The following FNIP2 variants were observed in gnomAD, a reference collection of about 807,000 sequenced individuals.
FNIP2 encodes folliculin interacting protein 2, also known as folliculin-interacting protein 2.
FNIP2 carries 32 observed loss-of-function variants against 108.7 expected under a neutral mutation model. The observed-to-expected ratio is 0.29, with a 90% CI of 0.22 to 0.40. The LOEUF (loss-of-function observed/expected upper bound fraction) is 0.40. FNIP2 is among the 10% of genes least tolerant of loss of function. FNIP2 has a pLI of 1.00. For missense variants in FNIP2, 1,202 were observed against 1,381.6 expected, an observed-to-expected ratio of 0.87 and a Z score of 2.06; for synonymous variants, 480 against 496.7, an observed-to-expected ratio of 0.97 and a Z score of 0.45.
chr4:158,899,437 C>T (rs1386594072), intron 16 of FNIP2, among the ~76,000 whole-genome samples: 1 of 152,188 alleles, frequency 6.6e-6, no homozygotes, highest in Non-Finnish European at 1.5e-5. Context: ...GGTACCAGCT[C>T]CTGTACACTC....
intron 1 of FNIP2, among the ~76,000 whole-genome samples, chr4:158,824,362 A>G (rs1778040633): frequency 6.6e-6 from 1 of 152,150 alleles, no homozygotes; most frequent in Non-Finnish European, 1.5e-5. Context: ...CTAGTTTTAC[A>G]GTTTGCTTTT....
intron 8 of FNIP2, among the ~76,000 whole-genome samples, chr4:158,852,091 G>A (rs894164111): frequency 2.0e-5 from 3 of 152,164 alleles, no homozygotes; most frequent in Non-Finnish European, 4.4e-5. Context: ...AAATTGACTA[G>A]TACTCAACAT....
intron 7 of FNIP2, among the ~76,000 whole-genome samples, chr4:158,850,790 C>T (rs556792242): frequency 5.4e-4 from 82 of 151,300 alleles, no homozygotes; most frequent in African/African-American, 1.9e-3. Context: ...TTATGTATGG[C>T]ATTAGTTACC....
At chr4:158,864,847 A>G (rs1322127499) in intron 12 of FNIP2, among the ~76,000 whole-genome samples, 1 of 151,078 alleles carries the variant, frequency 6.6e-6, no homozygotes, top group Non-Finnish European at 1.5e-5. Flanking sequence ...CCAGTTCTCT[A>G]TCATTTTGCA....
At chr4:158,869,676 A>G (rs1780818702) in intron 13 of FNIP2, among the ~76,000 whole-genome samples, 1 of 152,190 alleles carries the variant, frequency 6.6e-6, no homozygotes, top group Non-Finnish European at 1.5e-5. Context: ...CTTTGCAGCT[A>G]TCGTGATCCT....
chr4:158,898,900 A>G (rs1282276624), intron 16 of FNIP2, among the ~76,000 whole-genome samples: 4 of 152,220 alleles, frequency 2.6e-5, no homozygotes, highest in African/African-American at 7.2e-5. Flanking sequence ...GTGGTGAGAG[A>G]GAGCATCCTT....
chr4:158,804,019 A>G (rs1032037521), intron 1 of FNIP2, among the ~76,000 whole-genome samples: 5 of 151,946 alleles, frequency 3.3e-5, no homozygotes, highest in African/African-American at 1.2e-4. Flanking sequence ...GCTCACTGCA[A>G]CCTCTGCCTC....
chr4:158,784,109 G>C (rs1776139389), intron 1 of FNIP2, among the ~76,000 whole-genome samples: 1 of 152,226 alleles, frequency 6.6e-6, no homozygotes, highest in Middle Eastern at 3.2e-3. Context: ...TGTACATGTT[G>C]AATTTAAGGT....
chr4:158,874,503 A>AAAAAAAAAAAT (rs1781144503), intron 14 of FNIP2, among the ~76,000 whole-genome samples: 1 of 150,786 alleles, frequency 6.6e-6, no homozygotes, highest in Non-Finnish European at 1.5e-5. Context: ...AAAAAAAAAA[A>AAAAAAAAAAAT]AATAGCTAGG....
chr4:158,888,916 G>A (rs546774866), intron 14 of FNIP2, among the ~76,000 whole-genome samples: 1 of 151,794 alleles, frequency 6.6e-6, no homozygotes, highest in Admixed American at 6.6e-5. Context: ...GAGGCCAAAT[G>A]TAGTGGCTCA....
intron 1 of FNIP2, among the ~76,000 whole-genome samples, chr4:158,776,278 A>C (rs1038745617): frequency 6.6e-6 from 1 of 152,220 alleles, no homozygotes; most frequent in Non-Finnish European, 1.5e-5. Flanking sequence ...GCATGTTGTC[A>C]TAGCAACTCT....
chr4:158,848,637 C>T (rs1779533280), intron 7 of FNIP2, among the ~76,000 whole-genome samples: 1 of 152,140 alleles, frequency 6.6e-6, no homozygotes, highest in African/African-American at 2.4e-5. Flanking sequence ...AATACAGCAC[C>T]AGGGGCCAGT....
chr4:158,831,686 TG>T (rs957284638), intron 3 of FNIP2, among the ~76,000 whole-genome samples, 174 bp from the exon 4 acceptor site: 5 of 152,156 alleles, frequency 3.3e-5, no homozygotes, highest in Non-Finnish European at 5.9e-5. Flanking sequence ...AGTAATACTT[TG>T]GGGGGGAAAA....
chr4:158,884,240 A>C (rs1781892772), intron 14 of FNIP2, among the ~76,000 whole-genome samples: 1 of 152,260 alleles, frequency 6.6e-6, no homozygotes, highest in South Asian at 2.1e-4. Context: ...ACTGGGTTGC[A>C]TCCAAAAATA....
chr4:158,859,673 T>C lies in FNIP2; in HGVS notation c.1148+7T>C. 6.2e-7 allele frequency: 1 copy of C among 1,605,992 alleles called. No individual in the cohort carries two copies. ...AAGCTCTGGGAGAATTCAGGTAAAG[T>C]GGCAAAGTTTGGCAAATCCAACAGG... On this transcript the variant is annotated splice_region_variant and intron_variant, in intron 10 of 16. Transcript: ENST00000264433.
At chr4:158,903,604 TTATCCCCTTCCTC>T (rs1729553465) in intron 16 of FNIP2, among the ~76,000 whole-genome samples, 2 of 152,158 alleles carry the variant, frequency 1.3e-5, no homozygotes, top group Non-Finnish European at 2.9e-5. Flanking sequence ...CATCCTTCCT[TTATCCCCTTCCTC>T]CCGTAGTCAG....
At chr4:158,794,686 A>G (rs1185663611) in intron 1 of FNIP2, 1 of 152,394 alleles carries the variant, frequency 6.6e-6, no homozygotes. Flanking sequence ...ATGTGCTGCC[A>G]AAGTGAGCAC....
chr4:158,818,279 A>T (rs1314465378), intron 1 of FNIP2, among the ~76,000 whole-genome samples: 1 of 152,224 alleles, frequency 6.6e-6, no homozygotes, highest in Non-Finnish European at 1.5e-5. Flanking sequence ...AAGGAGGGGG[A>T]AAACAAGTTC....
chr4:158,886,408 G>A (rs1486954824), intron 14 of FNIP2, among the ~76,000 whole-genome samples: 1 of 152,168 alleles, frequency 6.6e-6, no homozygotes, highest in Non-Finnish European at 1.5e-5. Flanking sequence ...AAGTTTCCGA[G>A]TTACCCAATT....
Sources: gnomAD v4.1 joint callset for allele counts (sites outside exome capture counted in the v4.1 genomes callset) on GRCh38, gnomAD v4.1.1 for gene constraint, MANE v1.5 for transcripts, NCBI Gene and HGNC (gene_info 2026-07-23, HGNC 2026-07-21) for gene names.